The following KIAA1549L variants were observed in gnomAD, a reference collection of about 807,000 sequenced individuals.
KIAA1549L encodes the protein KIAA1549 like, also known as UPF0606 protein KIAA1549L.
In KIAA1549L, 88 loss-of-function variants were observed where a neutral mutation model predicts 160.7. The observed-to-expected ratio is 0.55, with a 90% CI of 0.46 to 0.65. The LOEUF is 0.65. KIAA1549L is among the 30% of genes least tolerant of loss of function. The pLI is 0.00. For synonymous variants in KIAA1549L, 950 were observed against 976.7 expected (o/e 0.97, Z 0.51); for missense variants, 2,258 against 2,437.5 (o/e 0.93, Z 1.55).
rs1157078464 is a variant in KIAA1549L, at chr11:33,519,907, A to G, written c.239-21895A>G. ...GAGGTACGAAATATCCTTCTCTATG[A>G]TACTTACCTATCAAAGGAAATATCG... On this transcript the variant is annotated intron_variant, in intron 1 of 20. Transcript: ENST00000658780. Among the ~76,000 whole-genome samples the G allele has an allele frequency of 3.3e-5, 5 of 149,402 alleles. No homozygotes were observed. The East Asian group carries it at 9.8e-4, about 29-fold the overall frequency.
At chr11:33,447,141 T>C (rs899057278) in intron 1 of KIAA1549L, among the ~76,000 whole-genome samples, 7 of 152,268 alleles carry the variant, frequency 4.6e-5, no homozygotes, top group African/African-American at 1.4e-4. Context: ...GGAAAAGATA[T>C]TCAGCCTGGA....
At chr11:33,498,861 C>T (rs973441784) in intron 1 of KIAA1549L, among the ~76,000 whole-genome samples, 3 of 152,070 alleles carry the variant, frequency 2.0e-5, no homozygotes, top group African/African-American at 7.2e-5. Context: ...CAGTGAATTC[C>T]CTGCAAGATC....
chr11:33,554,726 C>T (rs1367902020), intron 6 of KIAA1549L, among the ~76,000 whole-genome samples: 1 of 152,190 alleles, frequency 6.6e-6, no homozygotes, highest in African/African-American at 2.4e-5. Context: ...CTAGGCCTGA[C>T]TACTCCTGAA....
At position 33,656,078 on chromosome 11, in the gene KIAA1549L, A is replaced by T; in HGVS notation, c.5827A>T (p.Thr1943Ser). The change falls in exon 18 of 21, where the codon ACT becomes TCT. Residue 1943 changes from threonine to serine, a missense_variant. By Grantham distance (58) the Thr-to-Ser change is moderately conservative (BLOSUM62 1). Around this residue, in one of 6 missense-constraint regions of KIAA1549L, gnomAD observed 1,359 missense variants for 1,546.6 expected, o/e 0.88. Transcript: ENST00000658780. ...GSPPPPVPPR[T>S]GPVAVASLRR... ...ACCGCCTCCACCCGTACCTCCCCGG[A>T]CTGGTCCTGTGGCTGTCGCTTCTCT... 17 of 1,613,762 alleles carry T rather than the reference A, an allele frequency of 1.1e-5. No individual in the cohort carries two copies. Among genetic ancestry groups the T allele is most frequent in the Non-Finnish European group, 1.4e-5 (17 of 1,179,802 alleles).
intron 1 of KIAA1549L, among the ~76,000 whole-genome samples, chr11:33,489,891 A>C (rs1182204745): frequency 6.6e-6 from 1 of 152,216 alleles, no homozygotes; most frequent in Admixed American, 6.5e-5. Flanking sequence ...AACGTTATTG[A>C]TTCTTGTTAT....
intron 1 of KIAA1549L, among the ~76,000 whole-genome samples, chr11:33,386,347 G>T (rs61887162): frequency 3.3e-5 from 5 of 152,248 alleles, no homozygotes; most frequent in Non-Finnish European, 7.3e-5. Flanking sequence ...TGATCACAGG[G>T]TTTATCTTTA....
chr11:33,574,505 C>A (rs1175443736), intron 9 of KIAA1549L, among the ~76,000 whole-genome samples, 197 bp from the exon 10 acceptor site: 2 of 152,214 alleles, frequency 1.3e-5, no homozygotes, highest in Non-Finnish European at 1.5e-5. Context: ...ATTTTTCAAA[C>A]CTTTTTTCTC....
chr11:33,590,034 A>G (rs528484241), intron 11 of KIAA1549L, among the ~76,000 whole-genome samples: 2 of 152,232 alleles, frequency 1.3e-5, no homozygotes, highest in Admixed American at 6.5e-5. Flanking sequence ...CACCTGGACT[A>G]TGATTTATCA....
intron 1 of KIAA1549L, among the ~76,000 whole-genome samples, chr11:33,483,755 C>T (rs1338517702): frequency 6.6e-6 from 1 of 152,162 alleles, no homozygotes; most frequent in East Asian, 1.9e-4. Context: ...AAACCCCTTT[C>T]GCTTGGTTCC....
At chr11:33,629,396 TCCATTCTCC>T (rs1163441403) in intron 16 of KIAA1549L, among the ~76,000 whole-genome samples, 1 of 152,220 alleles carries the variant, frequency 6.6e-6, no homozygotes, top group Non-Finnish European at 1.5e-5. Context: ...CCAACTTGGT[TCCATTCTCC>T]CCATGACTTT....
At chr11:33,458,503 A>G (rs757040216) in intron 1 of KIAA1549L, among the ~76,000 whole-genome samples, 1 of 152,206 alleles carries the variant, frequency 6.6e-6, no homozygotes, top group Non-Finnish European at 1.5e-5. Context: ...TTTAGGTGAA[A>G]CCTGCAATGA....
intron 1 of KIAA1549L, among the ~76,000 whole-genome samples, chr11:33,458,239 C>G (rs1400006442): frequency 6.6e-6 from 1 of 152,174 alleles, no homozygotes; most frequent in Non-Finnish European, 1.5e-5. Flanking sequence ...GCTGGACTAC[C>G]ATCATGAATG....
chr11:33,545,471 G>C (rs1460943173), intron 3 of KIAA1549L, 93 bp downstream of exon 3: 1 of 1,413,512 alleles, frequency 7.1e-7, no homozygotes, highest in African/African-American at 1.4e-5. Context: ...CTCAACCAGG[G>C]GACATTTTTC....
chr11:33,550,938 T>C, intron 4 of KIAA1549L, 102 bp from the exon 5 acceptor site: 1 of 915,242 alleles, frequency 1.1e-6, no homozygotes, highest in East Asian at 2.4e-5. Flanking sequence ...CATTCTATTC[T>C]CCAGTCTTGT....
At chr11:33,657,520 G>C (rs1381227633) in intron 18 of KIAA1549L, among the ~76,000 whole-genome samples, 1 of 152,158 alleles carries the variant, frequency 6.6e-6, no homozygotes, top group Non-Finnish European at 1.5e-5. Flanking sequence ...ACGTAGGCTG[G>C]GCATGGTGGC....
intron 16 of KIAA1549L, among the ~76,000 whole-genome samples, chr11:33,621,512 T>C (rs1850957162): frequency 6.6e-6 from 1 of 152,210 alleles, no homozygotes; most frequent in Admixed American, 6.5e-5. Flanking sequence ...AACTTTGGCA[T>C]TGAACTTAAT....
intron 1 of KIAA1549L, among the ~76,000 whole-genome samples, chr11:33,408,971 AT>A (rs71034684): frequency 2.7e-5 from 4 of 149,156 alleles, no homozygotes; most frequent in Non-Finnish European, 6.0e-5. Context: ...AAAAAAAAAA[AT>A]TAGGTATCCT....
At chr11:33,459,878 G>A (rs991844794) in intron 1 of KIAA1549L, among the ~76,000 whole-genome samples, 9 of 146,676 alleles carry the variant, frequency 6.1e-5, no homozygotes, top group East Asian at 2.0e-4. Flanking sequence ...GGAGAATGGC[G>A]TGAACCCGGG....
intron 1 of KIAA1549L, among the ~76,000 whole-genome samples, chr11:33,514,772 CA>C (rs1352470188): frequency 1.3e-5 from 2 of 152,124 alleles, no homozygotes; most frequent in Non-Finnish European, 2.9e-5. Context: ...AAATGGATGC[CA>C]TGTTTTCAGG....
Sources: allele counts gnomAD v4.1 joint callset (sites outside exome capture counted in the v4.1 genomes callset), GRCh38; gene constraint gnomAD v4.1.1; regional missense constraint gnomAD v4.1.1; transcripts MANE v1.5; gene names NCBI Gene and HGNC (gene_info 2026-07-23, HGNC 2026-07-21).